The following TENM1 variants were observed in gnomAD, a reference collection of about 807,000 sequenced individuals.
TENM1 encodes teneurin-1.
Under a neutral mutation model 174.8 loss-of-function variants are expected in TENM1, and 35 were observed. The observed-to-expected ratio is 0.20, with a 90% CI of 0.15 to 0.27. The LOEUF (loss-of-function observed/expected upper bound fraction) is 0.27, where lower values mean the gene tolerates loss of function less well. TENM1 is among the 10% of genes least tolerant of loss of function. The pLI is 1.00. For missense variants in TENM1, 1,633 were observed against 2,130.1 expected (o/e 0.77, Z 4.59); for synonymous variants, 781 against 798.7 (o/e 0.98, Z 0.37).
exon 6 of TENM1, chrX:124,671,702 A>G: frequency 3.3e-6 from 4 of 1,206,716 alleles, no homozygotes; most frequent in Non-Finnish European, 4.5e-6. Flanking sequence ...CTGATTTATC[A>G]GAAACTTTTC....
chrX:124,870,423 T>A (rs1177126983), intron 3 of TENM1, among the ~76,000 whole-genome samples: 1 of 111,499 alleles, frequency 9.0e-6, no homozygotes, highest in Non-Finnish European at 1.9e-5. Context: ...ATACATGCTA[T>A]GGAAATAAAG....
At chrX:124,561,297 C>A (rs1323431972) in intron 14 of TENM1, among the ~76,000 whole-genome samples, 2 of 110,586 alleles carry the variant, frequency 1.8e-5, no homozygotes, top group African/African-American at 6.6e-5. Flanking sequence ...GTCACATAGC[C>A]CTAAATTGGA....
chrX:124,793,700 T>C (rs1266717109), intron 3 of TENM1, among the ~76,000 whole-genome samples: 1 of 111,375 alleles, frequency 9.0e-6, no homozygotes, highest in African/African-American at 3.3e-5. Context: ...TTTCATAGCT[T>C]TCTGCAGAGA....
At chrX:125,024,148 G>T in the TENM1 span, among the ~76,000 whole-genome samples, 3 of 111,450 alleles carry the variant, frequency 2.7e-5, no homozygotes, top group Non-Finnish European at 5.7e-5. Context: ...AATTAGTACT[G>T]CCACTATGGA....
chrX:124,700,178 T>C (rs984554215), intron 5 of TENM1, among the ~76,000 whole-genome samples: 13 of 111,427 alleles, frequency 1.2e-4, no homozygotes, highest in African/African-American at 4.2e-4. Flanking sequence ...GGTCAAAACA[T>C]CATAGAAGAG....
the TENM1 span, among the ~76,000 whole-genome samples, chrX:125,049,979 T>A: frequency 8.2e-5 from 9 of 109,613 alleles, no homozygotes; most frequent in African/African-American, 2.6e-4. Flanking sequence ...GTCTACCTCT[T>A]TACCTTCTTT....
chrX:124,468,477 C>T (rs773256618), intron 22 of TENM1, among the ~76,000 whole-genome samples: 2 of 112,455 alleles, frequency 1.8e-5, no homozygotes, highest in African/African-American at 3.2e-5. Flanking sequence ...CGCCCGCGCC[C>T]GGCACATATC....
chrX:124,408,211 G>C (rs768499517), intron 25 of TENM1, among the ~76,000 whole-genome samples: 55 of 109,993 alleles, frequency 5.0e-4, no homozygotes, highest in Non-Finnish European at 9.1e-4. Flanking sequence ...GTGTGATCTC[G>C]GCTCACTGCA....
At chrX:124,495,950 C>T (rs2047191650) in intron 20 of TENM1, among the ~76,000 whole-genome samples, 1 of 101,336 alleles carries the variant, frequency 9.9e-6, no homozygotes, top group African/African-American at 3.8e-5. Flanking sequence ...GGAGGCATCA[C>T]ACTACCTGAC....
At chrX:124,865,502 C>A (rs1404694342) in intron 3 of TENM1, among the ~76,000 whole-genome samples, 1 of 111,101 alleles carries the variant, frequency 9.0e-6, no homozygotes, top group African/African-American at 3.3e-5. Context: ...AACCTCAAAC[C>A]AAAAACATAC....
At chrX:125,161,309 C>T in the TENM1 span, among the ~76,000 whole-genome samples, 9 of 111,314 alleles carry the variant, frequency 8.1e-5, no homozygotes, top group South Asian at 3.7e-4. Flanking sequence ...ATAATGTAAA[C>T]GTTATAGAAA....
intron 11 of TENM1, among the ~76,000 whole-genome samples, chrX:124,638,447 T>C (rs2050933513): frequency 8.9e-6 from 1 of 111,819 alleles, no homozygotes; most frequent in Admixed American, 9.4e-5. Flanking sequence ...GTGAGTGATC[T>C]GAGGGAGCAA....
At chrX:124,875,417 T>A (rs188494207) in intron 3 of TENM1, among the ~76,000 whole-genome samples, 197 of 108,015 alleles carry the variant, frequency 1.8e-3, no homozygotes, top group African/African-American at 5.9e-3. Flanking sequence ...GGTCTTAGAT[T>A]TTTTTTTTTT....
At chrX:124,727,717 G>T (rs909783904) in intron 4 of TENM1, among the ~76,000 whole-genome samples, 1 of 111,580 alleles carries the variant, frequency 9.0e-6, no homozygotes, top group Non-Finnish European at 1.9e-5. Context: ...ATTGTGAGAA[G>T]CTAGAAAGGA....
At position 124,641,835 on chromosome X, in the gene TENM1, A is replaced by G. The variant is rs757506824; in HGVS notation, c.2033T>C (p.Val678Ala). Residue 678 changes from valine (V) to alanine (A), a missense_variant, in exon 11 of 32, where the codon GTA (valine) becomes GCA (alanine). Physicochemically the swap from Val to Ala is moderately conservative, Grantham distance 64. Coordinates refer to ENST00000422452, the Ensembl canonical transcript of TENM1. The stretch of plus-strand genomic sequence containing the variant: ...TGTCCACTTGGGATCACAGCTGCAT[A>G]CTCCAGCGTCCAGAAGAAAAGTTCC... 136 of 1,209,853 alleles carry G rather than the reference A, an allele frequency of 1.1e-4. No homozygotes were observed. Among genetic ancestry groups the G allele is most frequent in the Non-Finnish European group, 1.4e-4 (127 of 895,183 alleles).
the TENM1 span, among the ~76,000 whole-genome samples, chrX:125,109,944 C>T: frequency 0.078 from 8,628 of 111,127 alleles, 822 homozygotes; most frequent in African/African-American, 0.27. Context: ...ATAGCAGATC[C>T]AAAAGGTGTT....
At chrX:124,455,237 T>A (rs2061091778) in intron 22 of TENM1, among the ~76,000 whole-genome samples, 1 of 111,964 alleles carries the variant, frequency 8.9e-6, no homozygotes, top group African/African-American at 3.2e-5. Flanking sequence ...ACAAGGGAAT[T>A]CCATGTCCAT....
At chrX:124,528,676 T>TATAC (rs1226210096) in intron 16 of TENM1, among the ~76,000 whole-genome samples, 463 of 109,965 alleles carry the variant, frequency 4.2e-3, no homozygotes, top group African/African-American at 0.015. Context: ...TATATATATA[T>TATAC]ACACACACAT....
At chrX:124,464,343 T>C (rs1026118681) in intron 22 of TENM1, among the ~76,000 whole-genome samples, 1 of 112,029 alleles carries the variant, frequency 8.9e-6, no homozygotes, top group Non-Finnish European at 1.9e-5. Context: ...TTGTCCCAAA[T>C]ACTCAATAAA....
Sources: gnomAD v4.1 joint callset for allele counts (sites outside exome capture counted in the v4.1 genomes callset) on GRCh38, gnomAD v4.1.1 for gene constraint, MANE v1.5 for transcripts, NCBI Gene and HGNC (gene_info 2026-07-23, HGNC 2026-07-21) for gene names.